FTCDNL1: variants seen among roughly 807,000 people sequenced by gnomAD.
FTCDNL1 encodes formiminotransferase N-terminal subdomain-containing protein.
A neutral mutation model predicts 5.9 loss-of-function variants in FTCDNL1; 11 were observed. That is an observed-to-expected ratio of 1.87 (90% confidence interval 1.18 to 3.10). The LOEUF (loss-of-function observed/expected upper bound fraction) is 3.10. Among genes scored for constraint, FTCDNL1 ranks in the 30% most tolerant of loss-of-function variants. The probability of loss-of-function intolerance (pLI) is 0.00; values close to 1 mark genes in which losing one functional copy is unlikely to be tolerated. For synonymous variants in FTCDNL1, 58 were observed against 24.8 expected (o/e 2.34, Z -3.99); for missense variants, 115 against 65.5 (o/e 1.76, Z -2.61).
chr2:199,784,567 A>T (rs1699539479), intron 3 of FTCDNL1, among the ~76,000 whole-genome samples: 1 of 152,214 alleles, frequency 6.6e-6, no homozygotes, highest in Non-Finnish European at 1.5e-5. Context: ...GGGTGAGGGA[A>T]GCAGGATTGG....
At chr2:199,778,026 C>G (rs1393371747) in intron 3 of FTCDNL1, among the ~76,000 whole-genome samples, 2 of 152,110 alleles carry the variant, frequency 1.3e-5, no homozygotes, top group African/African-American at 4.8e-5. Flanking sequence ...GAGGAAGAAA[C>G]ATTAACCAAA....
rs549182960 is a variant in FTCDNL1, at chr2:199,774,082, T to G, written c.212-13247A>C. Among the ~76,000 whole-genome samples, 51 of 152,350 alleles carry G rather than the reference T, an allele frequency of 3.3e-4. 1 individual carries two copies. In the South Asian group the frequency reaches 0.01, roughly 31 times the overall value. ...GTAATACATCCATTCTTGAATGTAC[T>G]CATCCTTGGGGCCTTTTGGTCCTTT... On this transcript the variant is annotated intron_variant, in intron 3 of 3. Coordinates refer to the FTCDNL1 transcript ENST00000416668.
At chr2:199,693,942 T>C in the FTCDNL1 span, among the ~76,000 whole-genome samples, 4 of 152,182 alleles carry the variant, frequency 2.6e-5, no homozygotes, top group African/African-American at 9.7e-5. Flanking sequence ...GTAGAGAATT[T>C]ATATCATCTC....
chr2:199,725,817 AT>A, the FTCDNL1 span, among the ~76,000 whole-genome samples: 1 of 151,876 alleles, frequency 6.6e-6, no homozygotes, highest in Non-Finnish European at 1.5e-5. Context: ...TGCTCTTGAC[AT>A]TTTTTCCTTC....
At chr2:199,735,235 G>C in the FTCDNL1 span, among the ~76,000 whole-genome samples, 1 of 151,738 alleles carries the variant, frequency 6.6e-6, no homozygotes, top group East Asian at 1.9e-4. Flanking sequence ...AAGATAATCA[G>C]CTCTAGGGTT....
At chr2:199,739,094 A>T in the FTCDNL1 span, among the ~76,000 whole-genome samples, 1 of 152,226 alleles carries the variant, frequency 6.6e-6, no homozygotes, top group African/African-American at 2.4e-5. Context: ...AACCTGGAAA[A>T]ATAATGTTAA....
the FTCDNL1 span, among the ~76,000 whole-genome samples, chr2:199,695,585 C>T: frequency 6.6e-6 from 1 of 152,096 alleles, no homozygotes; most frequent in Non-Finnish European, 1.5e-5. Context: ...ATGTGGTTGC[C>T]GAGCACCAGG....
chr2:199,694,721 T>C, the FTCDNL1 span, among the ~76,000 whole-genome samples: 4 of 152,062 alleles, frequency 2.6e-5, no homozygotes, highest in African/African-American at 9.7e-5. Context: ...GTAGTCCCAG[T>C]TACTCAGGAG....
the FTCDNL1 span, among the ~76,000 whole-genome samples, chr2:199,695,122 G>C: frequency 1.3e-5 from 2 of 152,156 alleles, no homozygotes; most frequent in African/African-American, 2.4e-5. Context: ...AGCAAGTCAA[G>C]CGACTAATCC....
intron 3 of FTCDNL1, among the ~76,000 whole-genome samples, chr2:199,767,721 A>G (rs548293159): frequency 6.6e-6 from 1 of 152,338 alleles, no homozygotes; most frequent in East Asian, 1.9e-4. Flanking sequence ...AGAAGCAGCA[A>G]CAGACATGGT....
chr2:199,830,367 CTAAT>C (rs775629571), intron 3 of FTCDNL1, among the ~76,000 whole-genome samples: 3 of 152,124 alleles, frequency 2.0e-5, no homozygotes, highest in African/African-American at 4.8e-5. Flanking sequence ...TGCACTGCCT[CTAAT>C]TAAGTGCAGA....
chr2:199,827,732 C>A (rs969190871), intron 3 of FTCDNL1, among the ~76,000 whole-genome samples: 5 of 151,832 alleles, frequency 3.3e-5, no homozygotes, highest in African/African-American at 1.2e-4. Flanking sequence ...ATTAAGAAAA[C>A]CATGTAGCCC....
intron 3 of FTCDNL1, among the ~76,000 whole-genome samples, chr2:199,779,918 G>A (rs1483970659): frequency 6.6e-6 from 1 of 152,182 alleles, no homozygotes; most frequent in African/African-American, 2.4e-5. Context: ...TCTTCCAGGG[G>A]GCTCAGCAGA....
the FTCDNL1 span, among the ~76,000 whole-genome samples, chr2:199,706,532 T>C: frequency 1.3e-5 from 2 of 152,178 alleles, no homozygotes; most frequent in Non-Finnish European, 2.9e-5. Context: ...TTTATTAATG[T>C]ATAATACAAA....
chr2:199,840,052 G>A (rs2076542159), intron 3 of FTCDNL1, among the ~76,000 whole-genome samples: 1 of 152,178 alleles, frequency 6.6e-6, no homozygotes. Context: ...GATGGCTGAG[G>A]GGGATCCTAT....
chr2:199,773,052 T>C (rs534774222), intron 3 of FTCDNL1, among the ~76,000 whole-genome samples: 4 of 152,300 alleles, frequency 2.6e-5, no homozygotes, highest in East Asian at 1.9e-4. Flanking sequence ...ATTAATTTAA[T>C]GGGGATATGA....
At chr2:199,794,331 C>T (rs1304543873) in intron 3 of FTCDNL1, among the ~76,000 whole-genome samples, 1 of 152,134 alleles carries the variant, frequency 6.6e-6, no homozygotes, top group Non-Finnish European at 1.5e-5. Context: ...AGCACTGTGG[C>T]CAAAGCAAAT....
the FTCDNL1 span, among the ~76,000 whole-genome samples, chr2:199,703,209 C>T: frequency 2.0e-5 from 3 of 151,766 alleles, no homozygotes; most frequent in Non-Finnish European, 4.4e-5. Flanking sequence ...TCCCCCCTGC[C>T]CCCACCCCAC....
chr2:199,735,917 G>A, the FTCDNL1 span, among the ~76,000 whole-genome samples: 12 of 152,112 alleles, frequency 7.9e-5, no homozygotes, highest in African/African-American at 1.9e-4. Flanking sequence ...ATACGACAGC[G>A]GACAAATCTA....
Sources: gnomAD v4.1 joint callset for allele counts (sites outside exome capture counted in the v4.1 genomes callset) on GRCh38, gnomAD v4.1.1 for gene constraint, MANE v1.5 for transcripts, NCBI Gene and HGNC (gene_info 2026-07-23, HGNC 2026-07-21) for gene names.